Variants in PHLDB3 observed in about 807,000 individuals in gnomAD.
The protein encoded by PHLDB3 is pleckstrin homology like domain family B member 3.
In PHLDB3, 86 loss-of-function variants were observed where a neutral mutation model predicts 85.7. The observed-to-expected ratio is 1.00, with a 90% confidence interval of 0.84 to 1.20. PHLDB3 has a LOEUF of 1.20. Ranked by LOEUF, PHLDB3 falls within the 50% of genes most tolerant of loss-of-function variation. The pLI, the probability that PHLDB3 is intolerant of heterozygous loss-of-function variation, is 0.00. For synonymous variants in PHLDB3, 376 were observed against 349.8 expected (o/e 1.07, Z -0.83); for missense variants, 995 against 873.0 (o/e 1.14, Z -1.76).
chr19:43,493,801 C>A (rs938280875), intron 9 of PHLDB3, among the ~76,000 whole-genome samples: 1 of 151,622 alleles, frequency 6.6e-6, no homozygotes, highest in Non-Finnish European at 1.5e-5. Context: ...GAAAAGCCAA[C>A]TAGTAGCTAA....
chr19:43,504,307 A>C, intron 1 of PHLDB3, 175 bp from the exon 2 acceptor site: 1 of 652,364 alleles, frequency 1.5e-6, no homozygotes, highest in Non-Finnish European at 2.6e-6. Context: ...GCGGGGCTTG[A>C]TGGCTCCAAG....
chr19:43,475,442 C>A lies in PHLDB3; in HGVS notation c.1891G>T (p.Val631Leu), dbSNP rs1393333326. The change falls in exon 16 of 16, where the codon GTG becomes TTG. Residue 631 changes from valine (V) to leucine (L), a missense_variant. Transcript: ENST00000292140. Reference protein sequence around the residue: ...EAMRIWMDVIVTAADENHAP With the variant: ...EAMRIWMDVILTAADENHAP ...GCGTGGTTTTCGTCAGCGGCGGTCA[C>A]GATGACGTCCATCCAAATGCGCATG... The A allele has an allele frequency of 2.5e-6, 4 of 1,613,812 alleles. No individual in the cohort carries two copies. Among genetic ancestry groups the A allele is most frequent in the Non-Finnish European group, 2.5e-6 (3 of 1,179,860 alleles).
chr19:43,500,915 C>CCA (rs1555757813), intron 4 of PHLDB3, among the ~76,000 whole-genome samples: 1 of 109,458 alleles, frequency 9.1e-6, no homozygotes, highest in Non-Finnish European at 2.0e-5. Context: ...CCGTACCCCC[C>CCA]CCCCACCCCG....
chr19:43,482,725 A>G (rs2145901161), intron 13 of PHLDB3, among the ~76,000 whole-genome samples: 1 of 152,022 alleles, frequency 6.6e-6, no homozygotes, highest in East Asian at 1.9e-4. Context: ...TTCAGTAGAG[A>G]CGGGGTTTCT....
At chr19:43,492,194 G>A (rs912730250) in intron 9 of PHLDB3, among the ~76,000 whole-genome samples, 65 of 151,168 alleles carry the variant, frequency 4.3e-4, no homozygotes, top group Admixed American at 1.9e-3. Flanking sequence ...CTCGTGCTCC[G>A]CCTGTCTCCG....
chr19:43,496,976 T>C, intron 6 of PHLDB3, 142 bp downstream of exon 6: 2 of 1,185,116 alleles, frequency 1.7e-6, no homozygotes, highest in Non-Finnish European at 1.1e-6. Flanking sequence ...ACATAGTAAA[T>C]GTTTCATTAG....
chr19:43,497,785 T>G lies in PHLDB3; in HGVS notation c.626A>C (p.Glu209Ala). 6.4e-7 allele frequency: 1 copy of G among 1,555,266 alleles called. No homozygotes were observed. The highest frequency in any genetic ancestry group is 8.7e-7 in the Non-Finnish European group (1 of 1,149,120). ...CTGCAGAAGCCGCTCGCGTTGGTCC[T>G]CTGGCTGTGAGTCGAGCTGTCCCTG... ...KAQGQLDSQP[E>A]DQRERLLQGV... Residue 209 changes from glutamate (E) to alanine (A), a missense_variant, in exon 5 of 16, where the codon GAG becomes GCG. Glu to Ala is a moderately radical substitution (Grantham distance 107, BLOSUM62 -1). Coordinates refer to ENST00000292140, the MANE Select transcript of PHLDB3 (RefSeq NM_198850.4).
intron 9 of PHLDB3, among the ~76,000 whole-genome samples, chr19:43,490,991 A>G (rs1023605215): frequency 2.0e-5 from 3 of 152,226 alleles, no homozygotes; most frequent in Non-Finnish European, 4.4e-5. Context: ...AGAAGCATGC[A>G]TGGCCCCCAG....
intron 2 of PHLDB3, among the ~76,000 whole-genome samples, chr19:43,503,532 C>A (rs1971670770): frequency 6.6e-6 from 1 of 152,026 alleles, no homozygotes; most frequent in Admixed American, 6.6e-5. Context: ...TTGTCTCGAA[C>A]TCCTGGGCTT....
Position 43,475,248 on chromosome 19 carries a change from G to T in PHLDB3, c.*162C>A. 3 of 1,000,248 alleles carry T rather than the reference G, an allele frequency of 3.0e-6. No individual in the cohort carries two copies. Among genetic ancestry groups the T allele is most frequent in the Non-Finnish European group, 4.3e-6 (3 of 703,816 alleles). 62.0% of individuals were successfully genotyped at this position (1,000,248 alleles called of 1,614,324 possible). Reference sequence around the variant, plus strand: ...GGGCAAGGCACCTGCAACCCAGAACGCAGCAGCTCAGGCCAGCTGAACTGC... The same window carrying T: ...GGGCAAGGCACCTGCAACCCAGAACTCAGCAGCTCAGGCCAGCTGAACTGC... On this transcript the variant is annotated 3_prime_UTR_variant, in exon 16 of 16. Coordinates refer to ENST00000292140, the MANE Select transcript of PHLDB3 (RefSeq NM_198850.4).
chr19:43,484,559 A>C (rs539863292), intron 13 of PHLDB3, among the ~76,000 whole-genome samples: 33 of 152,094 alleles, frequency 2.2e-4, no homozygotes, highest in Admixed American at 1.4e-3. Flanking sequence ...AACAAACAAA[A>C]AAAATAAATG....
intron 15 of PHLDB3, among the ~76,000 whole-genome samples, chr19:43,477,777 A>G (rs1425973879): frequency 6.8e-6 from 1 of 148,042 alleles, no homozygotes; most frequent in Non-Finnish European, 1.5e-5. Flanking sequence ...CACTGTACTC[A>G]GGCCTGGGCG....
chr19:43,500,924 C>CCCCCG (rs1971579686), intron 4 of PHLDB3, among the ~76,000 whole-genome samples: 1 of 119,000 alleles, frequency 8.4e-6, no homozygotes, highest in African/African-American at 3.0e-5. Flanking sequence ...CCCCCCACCC[C>CCCCCG]GCAAGTACTG....
chr19:43,475,319 G>GT lies in PHLDB3; in HGVS notation c.*90dup. On this transcript the variant is annotated 3_prime_UTR_variant, in exon 16 of 16. Transcript: ENST00000292140. ...GAGAGTTCCAAAGCGGTGCGTCCAA[G>GT]TTTTCCGGCAGTGGGCGGGGCCTAG... is the stretch of plus-strand genomic sequence containing the variant. The GT allele has an allele frequency of 6.6e-7, 1 of 1,516,868 alleles. No individual in the cohort carries two copies. Among genetic ancestry groups the GT allele is most frequent in the Admixed American group, 2.1e-5 (1 of 47,920 alleles). 94.0% of individuals were successfully genotyped at this position (1,516,868 alleles called of 1,614,324 possible).
At chr19:43,482,150 A>G (rs961814203) in intron 13 of PHLDB3, among the ~76,000 whole-genome samples, 28 of 152,020 alleles carry the variant, frequency 1.8e-4, no homozygotes, top group African/African-American at 6.8e-4. Context: ...AGAAGAGGTG[A>G]CTCTCCAAGG....
Position 43,479,550 on chromosome 19 carries a change from T to G in PHLDB3, c.1529A>C (p.Asp510Ala), listed in dbSNP as rs1970997847. The change falls in exon 14 of 16, where the codon GAT becomes GCT. Residue 510 changes from aspartate to alanine, a missense_variant. Physicochemically the swap from Asp to Ala is moderately radical, Grantham distance 126. Coordinates refer to ENST00000292140, the MANE Select transcript of PHLDB3 (RefSeq NM_198850.4). ...PPHPPGPRIL[D>A]LRQHLEGWGH... ...CCATCCCTCCAGATGCTGCCGGAGATCCAAGATTCGCGGGCCTGGAGGGTG... is the reference window on the plus strand; with the variant it reads ...CCATCCCTCCAGATGCTGCCGGAGAGCCAAGATTCGCGGGCCTGGAGGGTG... The G allele has an allele frequency of 2.1e-6, 2 of 957,686 alleles. No homozygotes were observed. The highest frequency in any genetic ancestry group is 1.4e-4 in the East Asian group (2 of 14,110). 59.3% of individuals were successfully genotyped at this position (957,686 alleles called of 1,614,324 possible).
In PHLDB3 at chr19:43,486,041, G is replaced by T. The variant is rs1364781781; in HGVS notation, c.1485+225C>A. 1.5e-5 allele frequency: 15 copies of T among 985,384 alleles called. No homozygotes were observed. The South Asian group carries it at 6.1e-4, about 40-fold the overall frequency. The allele number at this position is 985,384 out of a possible 1,614,324, so 61.0% of individuals were successfully genotyped here. ...ACCAATGTACAGAAGAGGAAAATGA[G>T]GCAGAGTAGAGCAAGTTACCCGAGG... On this transcript the variant is annotated intron_variant, in intron 13 of 15. Coordinates refer to ENST00000292140, the MANE Select transcript of PHLDB3 (RefSeq NM_198850.4).
chr19:43,502,449 TTTC>T (rs1021875936), intron 2 of PHLDB3, among the ~76,000 whole-genome samples, 166 bp from the exon 3 acceptor site: 6 of 130,466 alleles, frequency 4.6e-5, no homozygotes, highest in Non-Finnish European at 9.4e-5. Context: ...TTTCTTTTTC[TTTC>T]TTATCTTTTT....
Position 43,486,838 on chromosome 19 carries a change from C to T in PHLDB3, c.1282G>A (p.Val428Met). Residue 428 changes from valine to methionine, a missense_variant, in exon 11 of 16, where the codon GTG (valine) becomes ATG (methionine). Physicochemically the swap from Val to Met is conservative, Grantham distance 21. Coordinates refer to ENST00000292140, the MANE Select transcript of PHLDB3 (RefSeq NM_198850.4). ...SLEASALPPA[V>M]GDSGRYPLYQ... ...AGGGGGTATCTGCCGGAGTCCCCCA[C>T]TGCTGGCGGGAGAGCTGAGGCCTCC... is the stretch of plus-strand genomic sequence containing the variant. The T allele has an allele frequency of 6.3e-7, 1 of 1,578,906 alleles. No homozygotes were observed. Among genetic ancestry groups the T allele is most frequent in the Admixed American group, 1.8e-5 (1 of 57,120 alleles).
Sources: gnomAD v4.1 joint callset for allele counts (sites outside exome capture counted in the v4.1 genomes callset) on GRCh38, gnomAD v4.1.1 for gene constraint, MANE v1.5 for transcripts, NCBI Gene and HGNC (gene_info 2026-07-23, HGNC 2026-07-21) for gene names.